MKLN1: variants seen among roughly 807,000 people sequenced by gnomAD.
The protein encoded by MKLN1 is muskelin.
MKLN1 carries 18 observed loss-of-function variants against 99.0 expected under a neutral mutation model. The ratio of observed to expected loss-of-function variants is 0.18; its 90% CI spans 0.13 to 0.27. MKLN1 has a LOEUF of 0.27. MKLN1 is among the 10% of genes least tolerant of loss of function. MKLN1 has a pLI of 1.00. For synonymous variants in MKLN1, 288 were observed against 293.2 expected (o/e 0.98, Z 0.18); for missense variants, 621 against 875.9 (o/e 0.71, Z 3.67).
At chr7:131,351,948 T>TAATTTCCTGGATAA (rs765234889) in intron 1 of MKLN1, among the ~76,000 whole-genome samples, 47 of 152,208 alleles carry the variant, frequency 3.1e-4, no homozygotes, top group Non-Finnish European at 4.0e-4. Flanking sequence ...TTACTAGCTG[T>TAATTTCCTGGATAA]AATTTTCCTG....
At chr7:131,300,687 C>CAAAAA (rs35187256) in intron 3 of MKLN1, among the ~76,000 whole-genome samples, 1 of 118,736 alleles carries the variant, frequency 8.4e-6, no homozygotes, top group African/African-American at 3.3e-5. Context: ...GACCCTGTCT[C>CAAAAA]AAAAAAAAAA....
At chr7:131,429,736 G>A (rs1274420013) in intron 9 of MKLN1, among the ~76,000 whole-genome samples, 3 of 152,072 alleles carry the variant, frequency 2.0e-5, no homozygotes, top group South Asian at 2.1e-4. Flanking sequence ...CCGCCACCAC[G>A]CCCAGCGAAT....
rs144903316 is a variant in MKLN1 at position 131,332,716 on chromosome 7, A to G, written c.98+4719A>G. ...GTATTTGCTTTTTCCTCCTTAACAT[A>G]TAGTAAATACTTCCTTATGTTATTA... On this transcript the variant is annotated intron_variant, in intron 1 of 17. Transcript: ENST00000352689. 2.6e-5 allele frequency among the ~76,000 whole-genome samples: 4 copies of G among 151,944 alleles called. No homozygotes were observed. In the South Asian group the frequency reaches 6.2e-4, roughly 24 times the overall value.
intron 5 of MKLN1, 105 bp downstream of exon 5, chr7:131,397,481 C>G: frequency 1.6e-6 from 1 of 628,532 alleles, no homozygotes; most frequent in East Asian, 3.0e-5. Flanking sequence ...ATAATAATAA[C>G]AACAGTTAGC....
chr7:131,424,974 C>A (rs913293087), intron 8 of MKLN1, among the ~76,000 whole-genome samples: 1 of 152,190 alleles, frequency 6.6e-6, no homozygotes, highest in African/African-American at 2.4e-5. Flanking sequence ...TGTCTTTTAA[C>A]CTCCTCTCCA....
intron 1 of MKLN1, among the ~76,000 whole-genome samples, chr7:131,356,129 G>A (rs1799871967): frequency 1.3e-5 from 2 of 150,712 alleles, no homozygotes; most frequent in Non-Finnish European, 3.0e-5. Context: ...TTGGAAGAGG[G>A]CCAAGCAAGC....
intron 15 of MKLN1, among the ~76,000 whole-genome samples, chr7:131,469,760 GTAA>G (rs1796766255): frequency 6.6e-6 from 1 of 152,102 alleles, no homozygotes; most frequent in South Asian, 2.1e-4. Context: ...AAACCTGTAT[GTAA>G]TTATGGTATA....
At chr7:131,484,649 A>G (rs1797223261) in intron 17 of MKLN1, among the ~76,000 whole-genome samples, 1 of 152,174 alleles carries the variant, frequency 6.6e-6, no homozygotes, top group Non-Finnish European at 1.5e-5. Context: ...TAAAAATATA[A>G]CACAGCATTG....
chr7:131,195,366 C>T (rs1796626274), intron 2 of MKLN1, among the ~76,000 whole-genome samples: 1 of 151,796 alleles, frequency 6.6e-6, no homozygotes, highest in South Asian at 2.1e-4. Context: ...CAAAAAGTAG[C>T]CAGGCATGGT....
At chr7:131,383,809 T>C (rs1793921976) in intron 2 of MKLN1, among the ~76,000 whole-genome samples, 1 of 152,196 alleles carries the variant, frequency 6.6e-6, no homozygotes, top group Admixed American at 6.5e-5. Flanking sequence ...GTGTCAAAAC[T>C]GTCTACTGTT....
intron 8 of MKLN1, among the ~76,000 whole-genome samples, chr7:131,420,238 T>G (rs1050591306): frequency 6.7e-6 from 1 of 150,240 alleles, no homozygotes; most frequent in African/African-American, 2.4e-5. Context: ...GCTGGCTGCT[T>G]ATGAAAGAGT....
chr7:131,452,700 G>C (rs561842952), intron 12 of MKLN1, among the ~76,000 whole-genome samples: 5 of 151,834 alleles, frequency 3.3e-5, no homozygotes, highest in Non-Finnish European at 7.4e-5. Context: ...ACAGGCATGC[G>C]CCACTACGCC....
chr7:131,350,189 T>G (rs1200593904), intron 1 of MKLN1, among the ~76,000 whole-genome samples: 1 of 152,152 alleles, frequency 6.6e-6, no homozygotes, highest in African/African-American at 2.4e-5. Context: ...GAAGAGGACA[T>G]TTTATTAGTT....
At chr7:131,198,395 G>C (rs1317731271) in intron 2 of MKLN1, among the ~76,000 whole-genome samples, 2 of 152,206 alleles carry the variant, frequency 1.3e-5, no homozygotes, top group Non-Finnish European at 2.9e-5. Flanking sequence ...GAAAAGCAAA[G>C]TTGAGCAAAG....
chr7:131,192,689 C>T (rs1796585856), intron 2 of MKLN1, among the ~76,000 whole-genome samples: 1 of 151,460 alleles, frequency 6.6e-6, no homozygotes, highest in Admixed American at 6.6e-5. Flanking sequence ...CTACAGGCAC[C>T]CACCACCACG....
At chr7:131,154,376 C>T (rs11980628) in intron 2 of MKLN1, among the ~76,000 whole-genome samples, 12,577 of 152,240 alleles carry the variant, frequency 0.083, 678 homozygotes, top group South Asian at 0.18. Context: ...GCCACCGCCC[C>T]GGCCTAATTG....
chr7:131,134,518 T>G (rs550939912), intron 1 of MKLN1, among the ~76,000 whole-genome samples: 5 of 152,290 alleles, frequency 3.3e-5, no homozygotes, highest in East Asian at 3.9e-4. Flanking sequence ...GCACTGGATA[T>G]CCCACAATTA....
At chr7:131,161,135 G>A (rs377716030) in intron 2 of MKLN1, among the ~76,000 whole-genome samples, 1 of 152,184 alleles carries the variant, frequency 6.6e-6, no homozygotes, top group East Asian at 1.9e-4. Flanking sequence ...GCTCAAGCTT[G>A]AGCAGTGGAA....
intron 2 of MKLN1, among the ~76,000 whole-genome samples, chr7:131,160,319 C>G (rs372757601): frequency 1.3e-5 from 2 of 151,966 alleles, no homozygotes; most frequent in East Asian, 3.9e-4. Flanking sequence ...TTCATCAGCT[C>G]TTGGGCATTT....
Sources: gnomAD v4.1 joint callset for allele counts (sites outside exome capture counted in the v4.1 genomes callset) on GRCh38, gnomAD v4.1.1 for gene constraint, MANE v1.5 for transcripts, NCBI Gene and HGNC (gene_info 2026-07-23, HGNC 2026-07-21) for gene names.